SUGCT: variants seen among roughly 807,000 people sequenced by gnomAD.
SUGCT encodes the protein succinyl-CoA:glutarate-CoA transferase.
SUGCT carries 41 observed loss-of-function variants against 55.0 expected under a neutral mutation model. That is an observed-to-expected ratio of 0.74 (90% CI 0.58 to 0.97). The LOEUF (loss-of-function observed/expected upper bound fraction) is 0.97. SUGCT is among the 50% of genes least tolerant of loss of function. SUGCT has a pLI of 0.00. For missense variants in SUGCT, 568 were observed against 547.8 expected, an observed-to-expected ratio of 1.04 and a Z score of -0.37; for synonymous variants, 187 against 200.4, an observed-to-expected ratio of 0.93 and a Z score of 0.56.
chr7:40,221,753 A>G (rs1788037987), intron 6 of SUGCT, among the ~76,000 whole-genome samples: 1 of 152,094 alleles, frequency 6.6e-6, no homozygotes, highest in Non-Finnish European at 1.5e-5. Flanking sequence ...AGCCTCCCAA[A>G]GTGCTGGGAT....
At chr7:40,926,127 C>T in the SUGCT span, among the ~76,000 whole-genome samples, 4 of 152,096 alleles carry the variant, frequency 2.6e-5, no homozygotes, top group South Asian at 8.3e-4. Context: ...CTCCACTGCT[C>T]ATTCTGCTAA....
intron 12 of SUGCT, among the ~76,000 whole-genome samples, chr7:40,557,426 TA>T (rs1308437811): frequency 6.6e-6 from 1 of 152,036 alleles, no homozygotes; most frequent in East Asian, 1.9e-4. Context: ...GGCAACAAAA[TA>T]AAAAATAGAC....
chr7:40,589,170 T>C (rs1413297545), intron 12 of SUGCT, among the ~76,000 whole-genome samples: 4 of 151,660 alleles, frequency 2.6e-5, no homozygotes, highest in Non-Finnish European at 5.9e-5. Flanking sequence ...GTGTGTGTGC[T>C]TGTGTGTGTA....
chr7:40,559,602 TTGA>T (rs959988415), intron 12 of SUGCT, among the ~76,000 whole-genome samples: 3 of 152,248 alleles, frequency 2.0e-5, no homozygotes, highest in African/African-American at 7.2e-5. Context: ...AAGGAATCAG[TTGA>T]TAAGTTTGAC....
chr7:40,839,887 A>G (rs1411258962), intron 13 of SUGCT, among the ~76,000 whole-genome samples: 1 of 152,268 alleles, frequency 6.6e-6, no homozygotes, highest in Non-Finnish European at 1.5e-5. Flanking sequence ...ATGTGCAGTA[A>G]TGCCCACCGA....
At chr7:40,899,482 G>A in the SUGCT span, among the ~76,000 whole-genome samples, 1 of 152,120 alleles carries the variant, frequency 6.6e-6, no homozygotes, top group East Asian at 1.9e-4. Context: ...CGACTCAAGA[G>A]GCAACGCACA....
At chr7:40,595,695 G>A (rs1042191342) in intron 12 of SUGCT, among the ~76,000 whole-genome samples, 2 of 150,192 alleles carry the variant, frequency 1.3e-5, no homozygotes, top group Non-Finnish European at 3.0e-5. Context: ...GTTATAACTA[G>A]TTACACCACT....
At chr7:40,901,627 C>T in the SUGCT span, among the ~76,000 whole-genome samples, 1 of 152,126 alleles carries the variant, frequency 6.6e-6, no homozygotes, top group East Asian at 1.9e-4. Context: ...TGTTCAGGTC[C>T]ACGTTAACCT....
At chr7:40,977,259 G>A in the SUGCT span, among the ~76,000 whole-genome samples, 1 of 152,214 alleles carries the variant, frequency 6.6e-6, no homozygotes, top group African/African-American at 2.4e-5. Context: ...AATAATAATA[G>A]CAAATGCAAT....
Position 40,375,640 on chromosome 7 carries a change from C to A in SUGCT, c.816+58785C>A, listed in dbSNP as rs1214010798. Among the ~76,000 whole-genome samples, 7 of 152,262 alleles carry A rather than the reference C, an allele frequency of 4.6e-5. No homozygotes were observed. In the East Asian group the frequency reaches 1.4e-3, roughly 29 times the overall value. ...GAGAGATTGTCCCAGACAACCCTAT[C>A]TAAAAAGAAGTTCCTTCTACCTTTA... is the stretch of plus-strand genomic sequence containing the variant. On this transcript the variant is annotated intron_variant, in intron 9 of 13. Coordinates refer to ENST00000335693, the MANE Select transcript of SUGCT (RefSeq NM_001193313.2).
intron 1 of SUGCT, among the ~76,000 whole-genome samples, chr7:40,136,905 G>C (rs1260002464): frequency 6.6e-6 from 1 of 152,026 alleles, no homozygotes; most frequent in African/African-American, 2.4e-5. Flanking sequence ...GCTGAGGTGG[G>C]ATGGCTTGAG....
chr7:40,625,009 G>A (rs1011718819), intron 12 of SUGCT, among the ~76,000 whole-genome samples: 4 of 152,054 alleles, frequency 2.6e-5, no homozygotes, highest in Admixed American at 2.6e-4. Context: ...TAACTCAGAT[G>A]TTAGCTGAGG....
intron 7 of SUGCT, among the ~76,000 whole-genome samples, chr7:40,249,340 T>TATAA (rs2150925054): frequency 7.7e-6 from 1 of 129,934 alleles, no homozygotes; most frequent in South Asian, 2.3e-4. Flanking sequence ...TATATATATA[T>TATAA]ATATATAATT....
At chr7:40,240,641 T>C (rs1789319462) in intron 7 of SUGCT, among the ~76,000 whole-genome samples, 1 of 152,242 alleles carries the variant, frequency 6.6e-6, no homozygotes, top group Non-Finnish European at 1.5e-5. Flanking sequence ...TTGGCTAATA[T>C]TTTTAACCAG....
chr7:40,771,427 A>AT (rs942779235), intron 13 of SUGCT, among the ~76,000 whole-genome samples: 4 of 151,844 alleles, frequency 2.6e-5, no homozygotes, highest in Non-Finnish European at 4.4e-5. Context: ...ATTTTCTAGC[A>AT]TTTTTTTTCT....
intron 11 of SUGCT, among the ~76,000 whole-genome samples, chr7:40,482,966 A>G (rs1285392499): frequency 6.6e-6 from 1 of 152,200 alleles, no homozygotes; most frequent in Non-Finnish European, 1.5e-5. Context: ...ACATGCAGAC[A>G]ATGGAGAGCT....
the SUGCT span, among the ~76,000 whole-genome samples, chr7:41,007,579 C>T: frequency 6.6e-6 from 1 of 152,132 alleles, no homozygotes; most frequent in Non-Finnish European, 1.5e-5. Flanking sequence ...ACCTAGTCAC[C>T]AATGCCAGAT....
the SUGCT span, among the ~76,000 whole-genome samples, chr7:40,978,655 G>A: frequency 2.0e-5 from 3 of 152,256 alleles, no homozygotes; most frequent in South Asian, 2.1e-4. Context: ...CAATTGTGGC[G>A]AGACCAAAAG....
At chr7:40,295,612 A>G (rs1242064228) in intron 8 of SUGCT, among the ~76,000 whole-genome samples, 3 of 152,154 alleles carry the variant, frequency 2.0e-5, no homozygotes, top group African/African-American at 4.8e-5. Context: ...AGAAAAAATC[A>G]CTAATGAATG....
Sources: gnomAD v4.1 joint callset for allele counts (sites outside exome capture counted in the v4.1 genomes callset) on GRCh38, gnomAD v4.1.1 for gene constraint, MANE v1.5 for transcripts, NCBI Gene and HGNC (gene_info 2026-07-23, HGNC 2026-07-21) for gene names.